The following TIAM1 variants were observed in gnomAD, a reference collection of about 807,000 sequenced individuals.
TIAM1 encodes the protein rho guanine nucleotide exchange factor TIAM1.
TIAM1 carries 65 observed loss-of-function variants against 163.5 expected under a neutral mutation model. The observed-to-expected ratio is 0.40, with a 90% confidence interval of 0.33 to 0.49. TIAM1 has a LOEUF of 0.49. Among genes scored for constraint, TIAM1 ranks in the 20% least tolerant of loss-of-function variants. The pLI, the probability that TIAM1 is intolerant of heterozygous loss-of-function variation, is 0.77. For missense variants in TIAM1, 1,789 were observed against 2,044.7 expected (o/e 0.87, Z 2.41); for synonymous variants, 833 against 810.1 (o/e 1.03, Z -0.48).
chr21:31,549,901 G>A (rs1382578934), intron 1 of TIAM1, among the ~76,000 whole-genome samples: 4 of 152,122 alleles, frequency 2.6e-5, no homozygotes, highest in African/African-American at 9.7e-5. Context: ...AGGCAGGCAG[G>A]TGGCCTGAGG....
chr21:31,309,941 C>G (rs2284498), intron 2 of TIAM1, among the ~76,000 whole-genome samples: 1 of 152,062 alleles, frequency 6.6e-6, no homozygotes, highest in Non-Finnish European at 1.5e-5. Context: ...AACCACCTAA[C>G]GCAAAAATAA....
At chr21:31,483,719 G>A (rs981420960) in intron 1 of TIAM1, among the ~76,000 whole-genome samples, 4 of 152,050 alleles carry the variant, frequency 2.6e-5, no homozygotes, top group Non-Finnish European at 4.4e-5. Context: ...GACAGAGTCC[G>A]TGCATCCAGT....
intron 16 of TIAM1, among the ~76,000 whole-genome samples, chr21:31,162,472 T>G (rs749487109): frequency 6.6e-6 from 1 of 152,214 alleles, no homozygotes; most frequent in African/African-American, 2.4e-5. Context: ...AAATTTCAAA[T>G]AGAGAAGATG....
At chr21:31,429,221 C>T (rs749695441) in intron 2 of TIAM1, among the ~76,000 whole-genome samples, 36 of 152,052 alleles carry the variant, frequency 2.4e-4, no homozygotes, top group Non-Finnish European at 4.3e-4. Flanking sequence ...AGCCTGGTCT[C>T]GAACTCCTGG....
chr21:31,197,976 C>T (rs2085967784), intron 12 of TIAM1, among the ~76,000 whole-genome samples: 2 of 152,126 alleles, frequency 1.3e-5, no homozygotes, highest in South Asian at 2.1e-4. Context: ...CCTCTTAGGT[C>T]AGTCAAAGGT....
chr21:31,275,827 T>C (rs1338065366), intron 3 of TIAM1, among the ~76,000 whole-genome samples: 1 of 152,192 alleles, frequency 6.6e-6, no homozygotes, highest in African/African-American at 2.4e-5. Context: ...AAAGCAAGGT[T>C]TCTCTGTCGT....
chr21:31,125,085 C>T (rs887567908), intron 26 of TIAM1, among the ~76,000 whole-genome samples: 1 of 152,126 alleles, frequency 6.6e-6, no homozygotes, highest in African/African-American at 2.4e-5. Context: ...CAAAGGCCGA[C>T]GTCTCAACGT....
chr21:31,408,446 G>A (rs1185210991), intron 2 of TIAM1, among the ~76,000 whole-genome samples: 4 of 152,094 alleles, frequency 2.6e-5, no homozygotes, highest in Non-Finnish European at 4.4e-5. Context: ...TCTCTTTCCC[G>A]AGTCAGCTAA....
intron 4 of TIAM1, 51 bp downstream of exon 4, chr21:31,265,957 TAA>T: frequency 2.5e-6 from 4 of 1,580,116 alleles, no homozygotes; most frequent in Non-Finnish European, 3.4e-6. Flanking sequence ...GTCATGCACT[TAA>T]AGAGTCATGC....
chr21:31,492,188 C>G (rs756130096), intron 1 of TIAM1, among the ~76,000 whole-genome samples: 2 of 152,160 alleles, frequency 1.3e-5, no homozygotes, highest in Non-Finnish European at 2.9e-5. Flanking sequence ...AGAAGTCAAG[C>G]TGGGAACTAC....
intron 11 of TIAM1, among the ~76,000 whole-genome samples, chr21:31,207,060 T>C (rs755288725): frequency 3.3e-5 from 5 of 152,154 alleles, no homozygotes; most frequent in Non-Finnish European, 7.4e-5. Context: ...CAGAATGACG[T>C]AGTAAAAGCA....
chr21:31,331,002 G>C (rs187980994), intron 2 of TIAM1, among the ~76,000 whole-genome samples: 1 of 151,810 alleles, frequency 6.6e-6, no homozygotes, highest in Non-Finnish European at 1.5e-5. Context: ...AAACATGTCC[G>C]TGGAACTTCG....
chr21:31,124,497 T>G, intron 27 of TIAM1, 25 bp downstream of exon 27: 1 of 1,611,020 alleles, frequency 6.2e-7, no homozygotes. Flanking sequence ...GACGGGAATC[T>G]TGAACGTCCG....
intron 22 of TIAM1, among the ~76,000 whole-genome samples, chr21:31,137,239 G>A (rs2082655751): frequency 6.6e-6 from 1 of 152,234 alleles, no homozygotes; most frequent in Admixed American, 6.5e-5. Flanking sequence ...CACCAAAACA[G>A]GCTACCGTGC....
At chr21:31,345,384 T>C (rs1219497691), upstream of TIAM1, among the ~76,000 whole-genome samples, 3 of 151,802 alleles carry the variant, frequency 2.0e-5, 1 homozygote, top group Admixed American at 2.0e-4. Flanking sequence ...GAAACAGTAC[T>C]CTAAAAAGGG....
intron 2 of TIAM1, among the ~76,000 whole-genome samples, chr21:31,396,314 T>C (rs954736827): frequency 2.0e-5 from 3 of 152,138 alleles, no homozygotes; most frequent in Admixed American, 6.6e-5. Context: ...CTCCTGCCAA[T>C]CTTCAATACA....
chr21:31,319,014 C>A (rs553226779), intron 2 of TIAM1, among the ~76,000 whole-genome samples: 1 of 152,316 alleles, frequency 6.6e-6, no homozygotes, highest in East Asian at 1.9e-4. Flanking sequence ...CAGGCCTATA[C>A]CACCATGCCC....
At chr21:31,139,037 G>T (rs1429764749) in intron 22 of TIAM1, among the ~76,000 whole-genome samples, 2 of 152,050 alleles carry the variant, frequency 1.3e-5, no homozygotes, top group African/African-American at 2.4e-5. Flanking sequence ...AAAATACTTT[G>T]TATAGCACTA....
At chr21:31,234,919 A>G (rs1230442752) in intron 6 of TIAM1, among the ~76,000 whole-genome samples, 1 of 152,232 alleles carries the variant, frequency 6.6e-6, no homozygotes, top group Non-Finnish European at 1.5e-5. Flanking sequence ...AAATGGGAAC[A>G]TAATCAGAAA....
Sources: gnomAD v4.1 joint callset for allele counts (sites outside exome capture counted in the v4.1 genomes callset) on GRCh38, gnomAD v4.1.1 for gene constraint, MANE v1.5 for transcripts, NCBI Gene and HGNC (gene_info 2026-07-23, HGNC 2026-07-21) for gene names.